ETV6: variants seen among roughly 807,000 people sequenced by gnomAD.
ETV6 encodes ETS variant transcription factor 6.
A neutral mutation model predicts 51.1 loss-of-function variants in ETV6; 16 were observed. That is an observed-to-expected ratio of 0.31 (90% CI 0.21 to 0.48). ETV6 has a LOEUF of 0.48. Among genes scored for constraint, ETV6 ranks in the 20% least tolerant of loss-of-function variants. The pLI is 0.99. For synonymous variants in ETV6, 240 were observed against 224.1 expected, an observed-to-expected ratio of 1.07 and a Z score of -0.64; for missense variants, 458 against 594.8, an observed-to-expected ratio of 0.77 and a Z score of 2.39.
chr12:11,718,333 G>A (rs932849196), intron 1 of ETV6, among the ~76,000 whole-genome samples: 7 of 152,292 alleles, frequency 4.6e-5, no homozygotes, highest in Non-Finnish European at 8.8e-5. Flanking sequence ...CTTACAAGAT[G>A]TCTTGAAGTG....
chr12:11,723,836 C>T (rs1865438775), intron 1 of ETV6, among the ~76,000 whole-genome samples: 1 of 152,048 alleles, frequency 6.6e-6, no homozygotes, highest in African/African-American at 2.4e-5. Context: ...TCTACCTGGA[C>T]CACCCATCAA....
At chr12:11,681,522 A>G (rs1422659236) in intron 1 of ETV6, among the ~76,000 whole-genome samples, 1 of 152,148 alleles carries the variant, frequency 6.6e-6, no homozygotes, top group Non-Finnish European at 1.5e-5. Context: ...AATTTAGTGA[A>G]TAAATCTATA....
At chr12:11,669,373 T>TCCTCCCTTCCTCCCTCCCTCCATCCCTC (rs1555112289) in intron 1 of ETV6, among the ~76,000 whole-genome samples, 5 of 129,344 alleles carry the variant, frequency 3.9e-5, no homozygotes, top group Admixed American at 7.4e-5. Flanking sequence ...CTTCCTCCCT[T>TCCTCCCTTCCTCCCTCCCTCCATCCCTC]CCTCCCTCCC....
chr12:11,734,516 C>CAAAA (rs1043955081), intron 1 of ETV6, among the ~76,000 whole-genome samples: 1 of 68,524 alleles, frequency 1.5e-5, no homozygotes, highest in Admixed American at 1.5e-4. Context: ...CTGAGATGAG[C>CAAAA]AAAAAAAAAA....
chr12:11,877,075 G>A (rs1330964418), intron 5 of ETV6, among the ~76,000 whole-genome samples: 2 of 152,184 alleles, frequency 1.3e-5, no homozygotes, highest in Admixed American at 1.3e-4. Flanking sequence ...TCTTGATTTG[G>A]TTTTATTGAC....
At chr12:11,708,603 C>T (rs554980757) in intron 1 of ETV6, among the ~76,000 whole-genome samples, 1 of 152,260 alleles carries the variant, frequency 6.6e-6, no homozygotes, top group Non-Finnish European at 1.5e-5. Flanking sequence ...ACTTGTAGGC[C>T]AGTATCATGG....
intron 3 of ETV6, among the ~76,000 whole-genome samples, chr12:11,850,549 GGTGGTGGTGGTA>G (rs147836293): frequency 0.092 from 13,992 of 152,112 alleles, 874 homozygotes; most frequent in Middle Eastern, 0.16. Flanking sequence ...GAGTGTTTGT[GGTGGTGGTGGTA>G]GTGGTGGTGG....
At chr12:11,780,594 C>T (rs1341989383) in intron 2 of ETV6, among the ~76,000 whole-genome samples, 1 of 152,224 alleles carries the variant, frequency 6.6e-6, no homozygotes. Context: ...GATGCCACCA[C>T]AGCTCGGCTG....
intron 2 of ETV6, among the ~76,000 whole-genome samples, chr12:11,821,569 G>A (rs1443679069): frequency 6.6e-6 from 1 of 152,070 alleles, no homozygotes; most frequent in South Asian, 2.1e-4. Context: ...GGGCACAGTG[G>A]CTCATGCCTG....
intron 2 of ETV6, among the ~76,000 whole-genome samples, chr12:11,775,723 G>T (rs1945313510): frequency 6.6e-6 from 1 of 152,146 alleles, no homozygotes; most frequent in Non-Finnish European, 1.5e-5. Context: ...TTTCCTGTCG[G>T]GTGAGCTGCC....
At chr12:11,704,117 C>T (rs73288734) in intron 1 of ETV6, among the ~76,000 whole-genome samples, 2,646 of 152,256 alleles carry the variant, frequency 0.017, 70 homozygotes, top group African/African-American at 0.06. Context: ...TCTGTCTCAC[C>T]GTTCCAAGGT....
intron 1 of ETV6, among the ~76,000 whole-genome samples, chr12:11,737,649 G>A (rs958017743): frequency 2.0e-5 from 3 of 152,182 alleles, no homozygotes; most frequent in Non-Finnish European, 2.9e-5. Flanking sequence ...AATTTTTTAG[G>A]CACTTGATGG....
intron 1 of ETV6, among the ~76,000 whole-genome samples, chr12:11,691,044 G>A (rs976376644): frequency 6.6e-6 from 1 of 152,132 alleles, no homozygotes; most frequent in African/African-American, 2.4e-5. Flanking sequence ...TCTGAGGTCA[G>A]GGTGCCCAAA....
intron 1 of ETV6, among the ~76,000 whole-genome samples, chr12:11,726,190 A>C (rs141935005): frequency 6.6e-6 from 1 of 152,248 alleles, no homozygotes; most frequent in Non-Finnish European, 1.5e-5. Context: ...AACTTGGCTC[A>C]TGAGAATTCT....
Position 11,891,041 on chromosome 12 carries a change from T to A in ETV6, c.1354T>A (p.Cys452Ser), listed in dbSNP as rs765563314. Reference protein sequence around the residue: ...LDEQIYQEDEC With the variant: ...LDEQIYQEDES Reference sequence around the variant, plus strand: ...TGAACAAATATACCAAGAAGATGAATGCTGAAGGAACCAACAGTCCACCTC... The same window carrying A: ...TGAACAAATATACCAAGAAGATGAAAGCTGAAGGAACCAACAGTCCACCTC... The change falls in exon 8 of 8, where the codon TGC (cysteine) becomes AGC (serine). Residue 452 changes from cysteine (C) to serine (S), a missense_variant. Physicochemically the swap from Cys to Ser is moderately radical, Grantham distance 112. This residue lies in a region of ETV6 where 55 missense variants were observed against 151.2 expected (regional missense o/e 0.36). Coordinates refer to ENST00000396373, the MANE Select transcript of ETV6 (RefSeq NM_001987.5). 1 of 1,612,256 alleles carries A rather than the reference T, an allele frequency of 6.2e-7. No homozygotes were observed. The highest frequency in any genetic ancestry group is 8.5e-7 in the Non-Finnish European group (1 of 1,178,448).
At chr12:11,787,911 T>C (rs750087970) in intron 2 of ETV6, among the ~76,000 whole-genome samples, 4 of 152,200 alleles carry the variant, frequency 2.6e-5, no homozygotes, top group Non-Finnish European at 5.9e-5. Context: ...AACCTCCCTA[T>C]AGAAGACCCA....
Position 11,692,170 on chromosome 12 carries a change from G to A in ETV6, c.33+42010G>A, listed in dbSNP as rs1864779403. 2.0e-5 allele frequency among the ~76,000 whole-genome samples: 3 copies of A among 152,064 alleles called. No individual in the cohort carries two copies. In the South Asian group the frequency reaches 6.2e-4, roughly 32 times the overall value. On this transcript the variant is annotated intron_variant, in intron 1 of 7. Transcript: ENST00000396373. ...CCCATTCATGGGTTAATGGATTAAT[G>A]GATTAATGGGTTATTATGGGAATGG...
chr12:11,668,930 G>A (rs1864250673), intron 1 of ETV6, among the ~76,000 whole-genome samples: 1 of 152,184 alleles, frequency 6.6e-6, no homozygotes, highest in South Asian at 2.1e-4. Flanking sequence ...GTCTGCTCCT[G>A]TACTTGGCTG....
At chr12:11,762,362 C>A (rs1375826956) in intron 2 of ETV6, among the ~76,000 whole-genome samples, 2 of 152,188 alleles carry the variant, frequency 1.3e-5, no homozygotes, top group African/African-American at 4.8e-5. Flanking sequence ...TAGCGGCAAT[C>A]CCCTCTGCAA....
Sources: gnomAD v4.1 joint callset for allele counts (sites outside exome capture counted in the v4.1 genomes callset) on GRCh38, gnomAD v4.1.1 for gene constraint, gnomAD v4.1.1 regional missense constraint, MANE v1.5 for transcripts, NCBI Gene and HGNC (gene_info 2026-07-23, HGNC 2026-07-21) for gene names.